Variants in CLEC16A observed in about 807,000 individuals in gnomAD.
CLEC16A encodes C-type lectin domain containing 16A.
Under a neutral mutation model 109.5 loss-of-function variants are expected in CLEC16A, and 51 were observed. The ratio of observed to expected loss-of-function variants is 0.47; its 90% confidence interval spans 0.37 to 0.59. The LOEUF (loss-of-function observed/expected upper bound fraction) is 0.59. CLEC16A is among the 20% of genes least tolerant of loss of function. The pLI is 0.00. For missense variants in CLEC16A, 1,339 were observed against 1,394.0 expected (o/e 0.96, Z 0.63); for synonymous variants, 673 against 564.2 (o/e 1.19, Z -2.73).
chr16:11,028,860 G>A (rs2046577918), intron 13 of CLEC16A, among the ~76,000 whole-genome samples: 1 of 152,144 alleles, frequency 6.6e-6, no homozygotes, highest in African/African-American at 2.4e-5. Flanking sequence ...CCTGCATCCA[G>A]TAAATTTTAA....
chr16:11,024,481 T>C (rs998043729), intron 12 of CLEC16A: 1 of 236,540 alleles, frequency 4.2e-6, no homozygotes, highest in African/African-American at 2.2e-5. Flanking sequence ...TCACTTTGCA[T>C]TGATGTCTGT....
chr16:11,094,791 T>G (rs2050511454), intron 19 of CLEC16A, among the ~76,000 whole-genome samples: 1 of 152,260 alleles, frequency 6.6e-6, no homozygotes, highest in South Asian at 2.1e-4. Context: ...CCATGAATTT[T>G]ACGTGAATCA....
chr16:11,046,088 A>G (rs919375899), intron 16 of CLEC16A, among the ~76,000 whole-genome samples: 1 of 152,146 alleles, frequency 6.6e-6, no homozygotes, highest in Non-Finnish European at 1.5e-5. Flanking sequence ...GAGAAAGCAG[A>G]AACCTCAGGG....
intron 18 of CLEC16A, among the ~76,000 whole-genome samples, chr16:11,057,865 T>G (rs2048288054): frequency 6.6e-6 from 1 of 152,176 alleles, no homozygotes; most frequent in African/African-American, 2.4e-5. Context: ...TGCCTGTCAT[T>G]GCTCAGCTTT....
At chr16:11,139,671 G>A (rs999482440) in intron 22 of CLEC16A, among the ~76,000 whole-genome samples, 6 of 152,168 alleles carry the variant, frequency 3.9e-5, no homozygotes, top group South Asian at 2.1e-4. Flanking sequence ...GAAAGTCGCC[G>A]CCTCAGTTTC....
chr16:11,086,535 T>TTTTG (rs530270576), intron 19 of CLEC16A, among the ~76,000 whole-genome samples: 40 of 151,652 alleles, frequency 2.6e-4, no homozygotes, highest in Admixed American at 5.9e-4. Context: ...CGAGACATTA[T>TTTTG]TTTGTTTGTT....
At chr16:10,982,671 T>C (rs1190248432) in intron 9 of CLEC16A, among the ~76,000 whole-genome samples, 1 of 152,190 alleles carries the variant, frequency 6.6e-6, no homozygotes, top group East Asian at 1.9e-4. Flanking sequence ...GCCAGCCAAA[T>C]AGGCAACAGT....
intron 15 of CLEC16A, among the ~76,000 whole-genome samples, chr16:11,043,608 T>A (rs907058093): frequency 1.3e-4 from 20 of 152,298 alleles, no homozygotes; most frequent in South Asian, 8.3e-4. Context: ...CTCGTGCCTG[T>A]AATCCCAGCA....
chr16:11,015,939 G>C (rs1049091127), intron 11 of CLEC16A, among the ~76,000 whole-genome samples: 2 of 152,264 alleles, frequency 1.3e-5, no homozygotes, highest in Non-Finnish European at 2.9e-5. Context: ...GAGGCTGGGA[G>C]ACGAGGAGGA....
intron 19 of CLEC16A, among the ~76,000 whole-genome samples, chr16:11,102,002 A>C (rs2050947656): frequency 6.9e-6 from 1 of 145,186 alleles, no homozygotes; most frequent in Non-Finnish European, 1.5e-5. Context: ...TTGTAGGGAC[A>C]CGGTCTTGCC....
At chr16:10,955,405 C>A (rs1314821620) in intron 1 of CLEC16A, among the ~76,000 whole-genome samples, 1 of 152,098 alleles carries the variant, frequency 6.6e-6, no homozygotes, top group East Asian at 1.9e-4. Context: ...GGAGGCAGAT[C>A]TTTGCAAATG....
rs780749616 is a variant in CLEC16A at position 11,166,478 on chromosome 16, G to A, written c.2732G>A (p.Ser911Asn). 6.2e-6 allele frequency: 10 copies of A among 1,608,526 alleles called. No individual in the cohort carries two copies. The highest frequency in any genetic ancestry group is 8.5e-6 in the Non-Finnish European group (10 of 1,179,716). Residue 911 changes from serine (S) to asparagine (N), a missense_variant, in exon 23 of 24, where the codon AGC becomes AAC. Ser to Asn is a conservative substitution (Grantham distance 46, BLOSUM62 1). Coordinates refer to ENST00000409790, the MANE Select transcript of CLEC16A (RefSeq NM_015226.3). ...PPSASGSPSGSGSTSHCDSGG... is the reference protein window; with the variant it reads ...PPSASGSPSGNGSTSHCDSGG... ...TCCGCCAGCGGGAGCCCCAGCGGCA[G>A]CGGGAGCACCAGCCACTGCGACTCT... is the stretch of plus-strand genomic sequence containing the variant.
chr16:11,098,320 G>A (rs986401559), intron 19 of CLEC16A, among the ~76,000 whole-genome samples: 10 of 152,238 alleles, frequency 6.6e-5, no homozygotes, highest in African/African-American at 2.2e-4. Flanking sequence ...CTGAGAATGC[G>A]TGCCTGTGCA....
Position 10,962,001 on chromosome 16 carries a change from G to A in CLEC16A, c.210-454G>A, listed in dbSNP as rs148815458. Among the ~76,000 whole-genome samples the A allele has an allele frequency of 1.2e-3, 175 of 142,574 alleles. 3 individuals are homozygous for A. Among genetic ancestry groups the A allele is most frequent in the Non-Finnish European group, 1.3e-4 (9 of 66,928 alleles). 93.5% of individuals were successfully genotyped at this position (142,574 alleles called of 152,430 possible). Reference sequence around the variant, plus strand: ...TTTTTTTGGCTCTGTCACCCAGGCTGGAGTGCAGTGGCCTGATCATATCTC... The same window carrying A: ...TTTTTTTGGCTCTGTCACCCAGGCTAGAGTGCAGTGGCCTGATCATATCTC... On this transcript the variant is annotated intron_variant, in intron 2 of 23. Coordinates refer to ENST00000409790, the MANE Select transcript of CLEC16A (RefSeq NM_015226.3).
chr16:10,970,387 G>A (rs2042722803), intron 4 of CLEC16A, among the ~76,000 whole-genome samples: 1 of 152,198 alleles, frequency 6.6e-6, no homozygotes, highest in South Asian at 2.1e-4. Flanking sequence ...GGTGTCAGGT[G>A]CTGGGATAAG....
chr16:11,118,698 A>G (rs2052183021), intron 19 of CLEC16A, among the ~76,000 whole-genome samples: 1 of 152,214 alleles, frequency 6.6e-6, no homozygotes. Context: ...GGTCTTAGTC[A>G]TACATTCTTT....
intron 14 of CLEC16A, chr16:11,040,514 C>CCTTTTTTT (rs2047269251): frequency 9.8e-6 from 1 of 101,536 alleles, no homozygotes; most frequent in Non-Finnish European, 1.9e-5. Context: ...TTTTTCTTTT[C>CCTTTTTTT]TTTTTTTTTT....
intron 19 of CLEC16A, among the ~76,000 whole-genome samples, chr16:11,064,187 CA>C (rs913976113): frequency 2.0e-5 from 3 of 152,190 alleles, no homozygotes; most frequent in African/African-American, 7.2e-5. Context: ...AAATGGAAGA[CA>C]TCATATTATT....
At position 11,042,374 on chromosome 16, in the gene CLEC16A, C is replaced by T. The variant is rs1163710116; in HGVS notation, c.1770+11C>T. The T allele has an allele frequency of 3.2e-6, 5 of 1,549,744 alleles. No individual in the cohort carries two copies. Among genetic ancestry groups the T allele is most frequent in the South Asian group, 2.4e-5 (2 of 84,714 alleles). ...CTGGCCTGCCTGGAGGTAACGCCCT[C>T]TCCGCTCCTCCTTCCTGTGGGCCAA... is the stretch of plus-strand genomic sequence containing the variant. On this transcript the variant is annotated intron_variant, in intron 15 of 23. Transcript: ENST00000409790.
Sources: gnomAD v4.1 joint callset for allele counts (sites outside exome capture counted in the v4.1 genomes callset) on GRCh38, gnomAD v4.1.1 for gene constraint, MANE v1.5 for transcripts, NCBI Gene and HGNC (gene_info 2026-07-23, HGNC 2026-07-21) for gene names.